Variants in PCDHA13 observed in about 807,000 individuals in gnomAD.
The protein encoded by PCDHA13 is protocadherin alpha 13.
A neutral mutation model predicts 64.8 loss-of-function variants in PCDHA13; 54 were observed. The ratio of observed to expected loss-of-function variants is 0.83; its 90% CI spans 0.67 to 1.04. PCDHA13 has a LOEUF of 1.04. Ranked by LOEUF, PCDHA13 falls within the 50% of genes least tolerant of loss-of-function variation. The pLI is 0.00. For synonymous variants in PCDHA13, 587 were observed against 564.4 expected (o/e 1.04, Z -0.57); for missense variants, 1,248 against 1,254.3 (o/e 0.99, Z 0.08).
chr5:140,883,626 C>A lies in PCDHA13; in HGVS notation c.1358C>A (p.Pro453Gln), dbSNP rs782798960. The change falls in exon 1 of 4, where the codon CCG becomes CAG. Residue 453 changes from proline to glutamine, a missense_variant. Pro to Gln is a moderately conservative substitution (Grantham distance 76). Transcript: ENST00000289272. ...GTGGCCGACGTGAACGACAACGCGC[C>A]GGCGTTCGCGCAGCCCGAGTACACG... The part of the protein sequence containing the change: ...VGVADVNDNA[P>Q]AFAQPEYTVF... 1.2e-6 allele frequency: 2 copies of A among 1,613,968 alleles called. No individual in the cohort carries two copies. Among genetic ancestry groups the A allele is most frequent in the Non-Finnish European group, 1.7e-6 (2 of 1,179,894 alleles).
intron 3 of PCDHA13, among the ~76,000 whole-genome samples, chr5:141,005,519 C>T (rs1374058521): frequency 1.3e-5 from 2 of 151,140 alleles, no homozygotes; most frequent in Middle Eastern, 3.2e-3. Context: ...CTGGCTAACA[C>T]GGTGAAACCC....
chr5:140,984,140 A>G (rs2097088641), intron 3 of PCDHA13, among the ~76,000 whole-genome samples: 1 of 152,240 alleles, frequency 6.6e-6, no homozygotes, highest in Non-Finnish European at 1.5e-5. Context: ...ATGTGGAGGC[A>G]TCTGGGAAGG....
chr5:140,921,377 T>C (rs1368330420), intron 1 of PCDHA13, among the ~76,000 whole-genome samples: 2 of 152,172 alleles, frequency 1.3e-5, no homozygotes, highest in Non-Finnish European at 2.9e-5. Flanking sequence ...TATTTCTACA[T>C]ATTTGATAAA....
intron 3 of PCDHA13, among the ~76,000 whole-genome samples, chr5:140,998,919 A>G (rs781864069): frequency 6.6e-6 from 1 of 152,248 alleles, no homozygotes; most frequent in Non-Finnish European, 1.5e-5. Flanking sequence ...TAGCTATTAT[A>G]TCCATTTTAC....
At chr5:140,893,117 T>C (rs536917492) in intron 1 of PCDHA13, among the ~76,000 whole-genome samples, 72 of 152,356 alleles carry the variant, frequency 4.7e-4, no homozygotes, top group South Asian at 1.2e-3. Flanking sequence ...GTTGTGCATA[T>C]ACACCACATT....
chr5:140,923,019 C>T (rs540025993), intron 1 of PCDHA13, among the ~76,000 whole-genome samples: 4 of 152,168 alleles, frequency 2.6e-5, no homozygotes, highest in South Asian at 2.1e-4. Context: ...ACTGCAGTTT[C>T]GGACTCTATT....
In PCDHA13 at chr5:140,883,569, C is replaced by T. The variant is rs781786717; in HGVS notation, c.1301C>T (p.Ser434Leu). 3 of 1,614,134 alleles carry T rather than the reference C, an allele frequency of 1.9e-6. No individual in the cohort carries two copies. The highest frequency in any genetic ancestry group is 2.5e-6 in the Non-Finnish European group (3 of 1,180,022). ...VVTARDGGSPSLWATASVSVG... is the reference protein window; with the variant it reads ...VVTARDGGSPLLWATASVSVG... ...ACCGCGCGGGACGGGGGCTCGCCTT[C>T]GCTGTGGGCCACGGCCAGCGTGTCG... The change falls in exon 1 of 4, where the codon TCG becomes TTG. Residue 434 changes from serine (S) to leucine (L), a missense_variant. Coordinates refer to ENST00000289272, the MANE Select transcript of PCDHA13 (RefSeq NM_018904.3).
intron 1 of PCDHA13, among the ~76,000 whole-genome samples, chr5:140,936,282 T>C (rs781971653): frequency 6.6e-6 from 1 of 152,250 alleles, no homozygotes; most frequent in Non-Finnish European, 1.5e-5. Context: ...CTGTGTTTTC[T>C]TCTATAACAT....
intron 1 of PCDHA13, among the ~76,000 whole-genome samples, chr5:140,885,441 A>G (rs568228687): frequency 6.6e-6 from 1 of 152,232 alleles, no homozygotes; most frequent in African/African-American, 2.4e-5. Context: ...GTGTGCAATT[A>G]TATATTATTT....
At chr5:140,976,486 G>T (rs782708902) in intron 1 of PCDHA13, among the ~76,000 whole-genome samples, 1 of 152,078 alleles carries the variant, frequency 6.6e-6, no homozygotes, top group Non-Finnish European at 1.5e-5. Context: ...GGGAGGCAGA[G>T]GTTGCAGGGA....
At chr5:140,994,329 T>A (rs1041024319) in intron 3 of PCDHA13, among the ~76,000 whole-genome samples, 2 of 152,096 alleles carry the variant, frequency 1.3e-5, no homozygotes, top group Non-Finnish European at 2.9e-5. Context: ...TCAGCAACCA[T>A]GAACAGTGGA....
At chr5:140,979,894 C>G (rs1183667310) in intron 2 of PCDHA13, among the ~76,000 whole-genome samples, 2 of 152,206 alleles carry the variant, frequency 1.3e-5, no homozygotes, top group African/African-American at 4.8e-5. Context: ...ATTCACCAAA[C>G]TTAGATCAGT....
At position 140,979,015 on chromosome 5, in the gene PCDHA13, T is replaced by C. The variant is rs782169362; in HGVS notation, c.2453+8T>C. ...GAGAGCAGGCATGCACAGGTATGTATTTCCCTCCTCATTCACTCAGAAGTA... is the reference window on the plus strand; with the variant it reads ...GAGAGCAGGCATGCACAGGTATGTACTTCCCTCCTCATTCACTCAGAAGTA... On this transcript the variant is annotated splice_region_variant and intron_variant, in intron 2 of 3. Coordinates refer to ENST00000289272, the MANE Select transcript of PCDHA13 (RefSeq NM_018904.3). 1 of 1,613,802 alleles carries C rather than the reference T, an allele frequency of 6.2e-7. No individual in the cohort carries two copies. Among genetic ancestry groups the C allele is most frequent in the Non-Finnish European group, 8.5e-7 (1 of 1,179,916 alleles).
intron 1 of PCDHA13, among the ~76,000 whole-genome samples, chr5:140,971,090 T>G (rs1554233007): frequency 1.3e-5 from 2 of 152,204 alleles, no homozygotes. Context: ...TAACAAATTC[T>G]TGTGAAGCCC....
intron 1 of PCDHA13, among the ~76,000 whole-genome samples, chr5:140,943,307 T>C (rs1554215574): frequency 6.7e-6 from 1 of 149,570 alleles, no homozygotes; most frequent in Non-Finnish European, 1.5e-5. Flanking sequence ...TGGGAAGTCA[T>C]TATTAGCAAT....
chr5:140,979,145 G>A, intron 2 of PCDHA13, 138 bp downstream of exon 2: 1 of 1,447,220 alleles, frequency 6.9e-7, no homozygotes, highest in Non-Finnish European at 9.1e-7. Context: ...CAATTATTTT[G>A]TCCCCATGTT....
intron 1 of PCDHA13, among the ~76,000 whole-genome samples, chr5:140,970,696 C>T (rs2096425637): frequency 6.6e-6 from 1 of 152,144 alleles, no homozygotes; most frequent in Admixed American, 6.5e-5. Flanking sequence ...GCTTTTAGAG[C>T]TACTACACAA....
At chr5:140,941,196 TTTCTTC>T (rs1563183935) in intron 1 of PCDHA13, among the ~76,000 whole-genome samples, 3 of 111,280 alleles carry the variant, frequency 2.7e-5, no homozygotes, top group East Asian at 2.3e-4. Context: ...TTTTTTTTTC[TTTCTTC>T]CTTTCTTTCT....
At chr5:140,968,961 A>G (rs1554231270) in intron 1 of PCDHA13, 1 of 1,614,088 alleles carries the variant, frequency 6.2e-7, no homozygotes, top group African/African-American at 1.3e-5. Context: ...ATCAAGTGCT[A>G]CCGCTACACT....
Sources: gnomAD v4.1 joint callset for allele counts (sites outside exome capture counted in the v4.1 genomes callset) on GRCh38, gnomAD v4.1.1 for gene constraint, MANE v1.5 for transcripts, NCBI Gene and HGNC (gene_info 2026-07-23, HGNC 2026-07-21) for gene names.